Variants in FRYL observed in about 807,000 individuals in gnomAD.
FRYL encodes FRY like transcription coactivator.
A neutral mutation model predicts 351.2 loss-of-function variants in FRYL; 150 were observed. That is an observed-to-expected ratio of 0.43 (90% CI 0.37 to 0.49). FRYL has a LOEUF of 0.49. FRYL is among the 20% of genes least tolerant of loss of function. The pLI is 0.00. For missense variants in FRYL, 3,036 were observed against 3,619.3 expected (o/e 0.84, Z 4.13); for synonymous variants, 1,153 against 1,257.1 (o/e 0.92, Z 1.75).
At chr4:48,644,891 TAAAC>T (rs1457507444) in intron 3 of FRYL, among the ~76,000 whole-genome samples, 1 of 151,462 alleles carries the variant, frequency 6.6e-6, no homozygotes, top group African/African-American at 2.4e-5. Context: ...AATGATACCA[TAAAC>T]AAGACAAAGT....
Position 48,602,080 on chromosome 4 carries a change from C to A in FRYL, c.975G>T (p.Gln325His). 1 of 1,602,242 alleles carries A rather than the reference C, an allele frequency of 6.2e-7. No individual in the cohort carries two copies. Among genetic ancestry groups the A allele is most frequent in the Non-Finnish European group, 8.5e-7 (1 of 1,169,936 alleles). The stretch of plus-strand genomic sequence containing the variant: ...GCCAGTTATTTAAAAAAAATTGTTT[C>A]TGACTGACACATAAAAGGCAGGTAA... ...PLITCLLCVS[Q>H]KQFFLNNWHI... Residue 325 changes from glutamine to histidine, a missense_variant, in exon 13 of 64, where the codon CAG becomes CAT. Coordinates refer to ENST00000358350, the MANE Select transcript of FRYL (RefSeq NM_015030.2).
intron 53 of FRYL, among the ~76,000 whole-genome samples, chr4:48,525,590 C>A (rs541865955): frequency 2.6e-5 from 4 of 152,138 alleles, no homozygotes; most frequent in Non-Finnish European, 5.9e-5. Context: ...ACAAGAAGAG[C>A]TGATGAATGT....
At chr4:48,609,195 A>C (rs909587920) in intron 8 of FRYL, 128 bp from the exon 9 acceptor site, 1 of 626,680 alleles carries the variant, frequency 1.6e-6, no homozygotes, top group Non-Finnish European at 2.8e-6. Flanking sequence ...TATATGATAA[A>C]AGCAATACTA....
In FRYL at chr4:48,555,261, C is replaced by A. The variant is rs148347380; in HGVS notation, c.4266+1717G>T. 5.5e-3 allele frequency among the ~76,000 whole-genome samples: 835 copies of A among 152,304 alleles called. 8 individuals are homozygous for A. Among genetic ancestry groups the A allele is most frequent in the African/African-American group, 0.019 (791 of 41,564 alleles). ...CCCATTCGTTCATCCAATTAATGGGCACCTTCTATGTGCCAGGCACTACAC... is the reference window on the plus strand; with the variant it reads ...CCCATTCGTTCATCCAATTAATGGGAACCTTCTATGTGCCAGGCACTACAC... On this transcript the variant is annotated intron_variant, in intron 35 of 63. Transcript: ENST00000358350.
At chr4:48,713,837 C>A (rs541331601) in intron 1 of FRYL, among the ~76,000 whole-genome samples, 14 of 152,178 alleles carry the variant, frequency 9.2e-5, no homozygotes, top group Non-Finnish European at 1.9e-4. Flanking sequence ...AGCACCACAC[C>A]ACATCTATTC....
At position 48,499,432 on chromosome 4, in the gene FRYL, G is replaced by C; in HGVS notation, c.9032C>G (p.Thr3011Ser). 4 of 1,613,968 alleles carry C rather than the reference G, an allele frequency of 2.5e-6. No homozygotes were observed. The highest frequency in any genetic ancestry group is 3.4e-6 in the Non-Finnish European group (4 of 1,179,862). ...QAKPMGNMVS[T>S]GF ...AAGGCCTGAAGTGTCTCAGAATCCA[G>C]TGCTCACCATATTTCCCATTGGTTT... Residue 3011 changes from threonine to serine, a missense_variant, in exon 64 of 64, where the codon ACT (threonine) becomes AGT (serine). Physicochemically the swap from Thr to Ser is moderately conservative, Grantham distance 58. Around this residue, in one of 7 missense-constraint regions of FRYL, gnomAD observed 1,987 missense variants for 2,311.7 expected, o/e 0.86. Transcript: ENST00000358350.
At chr4:48,640,446 C>T (rs935009399) in intron 3 of FRYL, among the ~76,000 whole-genome samples, 1 of 152,082 alleles carries the variant, frequency 6.6e-6, no homozygotes, top group Non-Finnish European at 1.5e-5. Context: ...ATATGACATT[C>T]TGGAAAAGAC....
At chr4:48,557,803 T>C in intron 33 of FRYL, 91 bp from the exon 34 acceptor site, 2 of 1,446,566 alleles carry the variant, frequency 1.4e-6, no homozygotes, top group Non-Finnish European at 1.9e-6. Flanking sequence ...AGCCAGATTT[T>C]ATTCATTTTA....
chr4:48,500,236 C>G lies in FRYL; in HGVS notation c.8593-16G>C, dbSNP rs1719242992. The G allele has an allele frequency of 6.6e-7, 1 of 1,508,944 alleles. No homozygotes were observed. Among genetic ancestry groups the G allele is most frequent in the Admixed American group, 2.4e-5 (1 of 41,910 alleles). 93.5% of individuals were successfully genotyped at this position (1,508,944 alleles called of 1,614,324 possible). ...TGTTGATGACCTAAAACAAATACAT[C>G]TTTAAGGATCTATTCGTATGTTTGG... On this transcript the variant is annotated splice_polypyrimidine_tract_variant and intron_variant, in intron 62 of 63. Coordinates refer to ENST00000358350, the MANE Select transcript of FRYL (RefSeq NM_015030.2).
chr4:48,533,872 TAA>T (rs1383533612), intron 49 of FRYL, among the ~76,000 whole-genome samples: 2 of 152,172 alleles, frequency 1.3e-5, no homozygotes, highest in Non-Finnish European at 2.9e-5. Context: ...TTTCTGTTTC[TAA>T]AAGTAGTGTA....
intron 33 of FRYL, among the ~76,000 whole-genome samples, chr4:48,560,506 G>A (rs1486530362): frequency 6.6e-6 from 1 of 152,118 alleles, no homozygotes; most frequent in Non-Finnish European, 1.5e-5. Flanking sequence ...GCGATGACAT[G>A]ACATTCTAAA....
At chr4:48,594,502 G>A (rs186096265) in intron 15 of FRYL, among the ~76,000 whole-genome samples, 1 of 152,196 alleles carries the variant, frequency 6.6e-6, no homozygotes, top group East Asian at 1.9e-4. Flanking sequence ...AAGGGAGTGG[G>A]TACAATTCTG....
intron 3 of FRYL, among the ~76,000 whole-genome samples, chr4:48,645,235 G>T (rs1165724846): frequency 1.3e-5 from 2 of 149,664 alleles, no homozygotes; most frequent in Non-Finnish European, 3.0e-5. Flanking sequence ...TTAACACAGC[G>T]CTGATAAAAA....
intron 3 of FRYL, among the ~76,000 whole-genome samples, chr4:48,654,248 A>T (rs1164884422): frequency 6.6e-6 from 1 of 151,842 alleles, no homozygotes; most frequent in Admixed American, 6.6e-5. Flanking sequence ...AAAAATAAAT[A>T]AATTAGGATT....
rs1172220900 is a variant in FRYL, at chr4:48,551,564, T to C, written c.4450A>G (p.Ser1484Gly). 1.2e-6 allele frequency: 2 copies of C among 1,609,160 alleles called. No individual in the cohort carries two copies. The highest frequency in any genetic ancestry group is 3.3e-5 in the Admixed American group (2 of 59,980). ...TCTGTGGGAGCTACCATTGTATTGCTACTGGAAGTAGTTCCTGTAATCAAA... is the reference window on the plus strand; with the variant it reads ...TCTGTGGGAGCTACCATTGTATTGCCACTGGAAGTAGTTCCTGTAATCAAA... ...PSVTSGTTSS[S>G]NTMVAPTDGN... is the part of the protein sequence containing the mutation. The change falls in exon 37 of 64, where the codon AGC (serine) becomes GGC (glycine). Residue 1484 changes from serine to glycine, a missense_variant. Around this residue, in one of 7 missense-constraint regions of FRYL, gnomAD observed 1,987 missense variants for 2,311.7 expected, o/e 0.86. Transcript: ENST00000358350.
At chr4:48,683,396 T>C (rs1245042274) in intron 3 of FRYL, among the ~76,000 whole-genome samples, 1 of 151,346 alleles carries the variant, frequency 6.6e-6, no homozygotes, top group Non-Finnish European at 1.5e-5. Context: ...TCTGCACATG[T>C]ATCCCAGAAC....
intron 1 of FRYL, among the ~76,000 whole-genome samples, chr4:48,773,811 C>T (rs571227526): frequency 1.8e-4 from 27 of 152,230 alleles, no homozygotes; most frequent in African/African-American, 6.3e-4. Context: ...CAGCTACTCA[C>T]GGGGCTGAGG....
Position 48,632,110 on chromosome 4 carries a change from A to G in FRYL, c.120+2181T>C, listed in dbSNP as rs1223116257. On this transcript the variant is annotated intron_variant, in intron 4 of 63. Coordinates refer to ENST00000358350, the MANE Select transcript of FRYL (RefSeq NM_015030.2). ...AAAAAAAATATATATATATATATAT[A>G]TATATATATATATATATATGCGCAC... 6.9e-4 allele frequency among the ~76,000 whole-genome samples: 65 copies of G among 94,722 alleles called. 2 individuals are homozygous for G. Among genetic ancestry groups the G allele is most frequent in the Middle Eastern group, 5.4e-3 (1 of 186 alleles). 62.1% of individuals were successfully genotyped at this position (94,722 alleles called of 152,430 possible).
chr4:48,737,158 G>A (rs1771529549), intron 1 of FRYL, among the ~76,000 whole-genome samples: 1 of 150,592 alleles, frequency 6.6e-6, no homozygotes, highest in African/African-American at 2.4e-5. Context: ...TCAGGAGGCT[G>A]AGGCACAAGA....
Sources: allele counts gnomAD v4.1 joint callset (sites outside exome capture counted in the v4.1 genomes callset), GRCh38; gene constraint gnomAD v4.1.1; regional missense constraint gnomAD v4.1.1; transcripts MANE v1.5; gene names NCBI Gene and HGNC (gene_info 2026-07-23, HGNC 2026-07-21).